Variants in TRIM48 observed in about 807,000 individuals in gnomAD.
The protein encoded by TRIM48 is tripartite motif containing 48.
Under a neutral mutation model 29.5 loss-of-function variants are expected in TRIM48, and 31 were observed. The observed-to-expected ratio is 1.05, with a 90% CI of 0.79 to 1.42. The LOEUF (loss-of-function observed/expected upper bound fraction) is 1.42, where lower values mean the gene tolerates loss of function less well. TRIM48 is among the 40% of genes most tolerant of loss of function. TRIM48 has a pLI of 0.00. For missense variants in TRIM48, 344 were observed against 265.0 expected (o/e 1.30, Z -2.07); for synonymous variants, 128 against 90.6 (o/e 1.41, Z -2.34).
At chr11:55,263,897 T>C (rs187115486) in intron 1 of TRIM48, among the ~76,000 whole-genome samples, 57 of 152,232 alleles carry the variant, frequency 3.7e-4, no homozygotes, top group Non-Finnish European at 7.8e-4. Flanking sequence ...AAAGAGGAAA[T>C]TGCCTTTCCT....
At chr11:55,265,942 C>T (rs751650668) in intron 3 of TRIM48, among the ~76,000 whole-genome samples, 1 of 147,664 alleles carries the variant, frequency 6.8e-6, no homozygotes, top group Non-Finnish European at 1.5e-5. Context: ...AAACCTGTAG[C>T]TATACACCAA....
intron 3 of TRIM48, chr11:55,267,569 G>A: frequency 6.4e-7 from 1 of 1,565,762 alleles, no homozygotes; most frequent in South Asian, 1.2e-5. Context: ...TCATAGGAGG[G>A]AGATTTTTAA....
Position 55,263,750 on chromosome 11 carries a change from A to T in TRIM48, c.45-1150A>T, listed in dbSNP as rs546435030. On this transcript the variant is annotated intron_variant, in intron 1 of 5. Coordinates refer to ENST00000417545, the MANE Select transcript of TRIM48 (RefSeq NM_024114.5). ...ACATGATTCTACACGAGGGGAATTC[A>T]TCAGGAAAATTCGTTTGCTTGATTA... 8.5e-5 allele frequency among the ~76,000 whole-genome samples: 13 copies of T among 152,328 alleles called. No homozygotes were observed. In the South Asian group the frequency reaches 2.3e-3, roughly 27 times the overall value.
rs1405770427 is a variant in TRIM48 at position 55,262,280 on chromosome 11, A to G, written c.13A>G (p.Ile5Val). The change falls in exon 1 of 6, where the codon ATC becomes GTC. Residue 5 changes from isoleucine to valine, a missense_variant. Coordinates refer to ENST00000417545, the MANE Select transcript of TRIM48 (RefSeq NM_024114.5). MSRRIIVGTLQRTQR... is the reference protein window; with the variant it reads MSRRVIVGTLQRTQR... ...ACTTAACAGAATTATGTCTCGAAGA[A>G]TCATTGTGGGAACCCTTCAAAGAAC... is the stretch of plus-strand genomic sequence containing the variant. 11 of 1,548,760 alleles carry G rather than the reference A, an allele frequency of 7.1e-6. No individual in the cohort carries two copies. In the East Asian group the frequency reaches 1.2e-4, roughly 17 times the overall value.
chr11:55,267,513 G>A lies in TRIM48; in HGVS notation c.556-837G>A, dbSNP rs1857411564. 1.9e-6 allele frequency: 3 copies of A among 1,579,072 alleles called. 1 individual carries two copies. The African/African-American group carries it at 4.1e-5, about 22-fold the overall frequency. On this transcript the variant is annotated intron_variant, in intron 3 of 5. Coordinates refer to ENST00000417545, the MANE Select transcript of TRIM48 (RefSeq NM_024114.5). ...AATTTGGAGATGCTGAAAAAGAAGG[G>A]AAAAGATATTTTTCATCAACTTCAT...
chr11:55,262,668 A>T (rs1193769349), intron 1 of TRIM48, among the ~76,000 whole-genome samples: 1 of 152,126 alleles, frequency 6.6e-6, no homozygotes, highest in Non-Finnish European at 1.5e-5. Context: ...ACATTAATGA[A>T]TGTTCATTCA....
rs1188827106 is a variant in TRIM48 at position 55,270,380 on chromosome 11, C to T, written c.*2-57C>T. 8 of 1,326,270 alleles carry T rather than the reference C, an allele frequency of 6.0e-6. 1 individual carries two copies. In the South Asian group the frequency reaches 7.8e-5, roughly 13 times the overall value. The allele number at this position is 1,326,270 out of a possible 1,614,324, so 82.2% of individuals were successfully genotyped here. A position where few individuals can be genotyped will look rare whatever the true frequency, so the allele number is the denominator to read the frequency against. On this transcript the variant is annotated intron_variant, in intron 5 of 5. Transcript: ENST00000417545. ...AACGATTTTTGCTTATTTACACATG[C>T]CTATGCATGTTTTCTTTCTTTCTTT...
chr11:55,263,407 C>A (rs1295106301), intron 1 of TRIM48, among the ~76,000 whole-genome samples: 1 of 151,948 alleles, frequency 6.6e-6, no homozygotes, highest in African/African-American at 2.4e-5. Context: ...AATCCCAGCA[C>A]TTTTGGAGGC....
At position 55,270,648 on chromosome 11, in the gene TRIM48, C is replaced by T; in HGVS notation, c.*213C>T. ...ACTCTTGGAATTGGGCTTTTGGTGT[C>T]TGTAATAAGTATTGGAAAGGGAAGA... is the stretch of plus-strand genomic sequence containing the variant. On this transcript the variant is annotated 3_prime_UTR_variant, in exon 6 of 6. Coordinates refer to ENST00000417545, the MANE Select transcript of TRIM48 (RefSeq NM_024114.5). 11 of 1,579,550 alleles carry T rather than the reference C, an allele frequency of 7.0e-6. 2 individuals carry two copies. The highest frequency in any genetic ancestry group is 9.5e-6 in the Non-Finnish European group (11 of 1,162,520).
At chr11:55,262,858 C>T (rs1162360541) in intron 1 of TRIM48, among the ~76,000 whole-genome samples, 1 of 152,084 alleles carries the variant, frequency 6.6e-6, no homozygotes, top group Non-Finnish European at 1.5e-5. Context: ...TGCCATCTCA[C>T]TTGAGTTTTA....
chr11:55,265,905 C>A (rs1288837791), intron 3 of TRIM48, among the ~76,000 whole-genome samples: 2 of 146,930 alleles, frequency 1.4e-5, no homozygotes, highest in Non-Finnish European at 3.0e-5. Context: ...TTGATGTTAC[C>A]CAAAGCATGC....
At position 55,268,332 on chromosome 11, in the gene TRIM48, TA is replaced by T. The variant is rs764166442; in HGVS notation, c.556-17del. 5.4e-5 allele frequency: 81 copies of T among 1,506,608 alleles called. No individual in the cohort carries two copies. The highest frequency in any genetic ancestry group is 6.4e-5 in the Non-Finnish European group (71 of 1,111,490). The allele number at this position is 1,506,608 out of a possible 1,614,324, so 93.3% of individuals were successfully genotyped here. A position where few individuals can be genotyped will look rare whatever the true frequency, so the allele number is the denominator to read the frequency against. On this transcript the variant is annotated splice_polypyrimidine_tract_variant and intron_variant, in intron 3 of 5. Transcript: ENST00000417545. ...TCTTGTGAACTGCACTAAATCTTTCTATTTTTTTTTTTTACAGGCTTTTGGA... is the reference window on the plus strand; with the variant it reads ...TCTTGTGAACTGCACTAAATCTTTCTTTTTTTTTTTTTACAGGCTTTTGGA...
In TRIM48 at chr11:55,270,525, A is replaced by G. The variant is rs1857467180; in HGVS notation, c.*90A>G. ...GCATTTGTATTGGATGTGACCGTCAAAATCCGCCCCATATCACTGCAACAC... is the reference window on the plus strand; with the variant it reads ...GCATTTGTATTGGATGTGACCGTCAGAATCCGCCCCATATCACTGCAACAC... On this transcript the variant is annotated 3_prime_UTR_variant, in exon 6 of 6. Transcript: ENST00000417545. 2 of 1,581,702 alleles carry G rather than the reference A, an allele frequency of 1.3e-6. 1 individual carries two copies. Among genetic ancestry groups the G allele is most frequent in the Admixed American group, 3.4e-5 (2 of 58,290 alleles).
chr11:55,267,935 A>C lies in TRIM48; in HGVS notation c.556-415A>C, dbSNP rs12272592. Among the ~76,000 whole-genome samples the C allele has an allele frequency of 2.7e-5, 4 of 148,044 alleles. 1 individual carries two copies. Among genetic ancestry groups the C allele is most frequent in the Admixed American group, 2.1e-4 (3 of 14,592 alleles). On this transcript the variant is annotated intron_variant, in intron 3 of 5. Coordinates refer to ENST00000417545, the MANE Select transcript of TRIM48 (RefSeq NM_024114.5). ...CATTTAGGGTTGTCAAACATGTATA[A>C]AATAGTGAGTGATTCATTTACATTT...
At position 55,265,767 on chromosome 11, in the gene TRIM48, T is replaced by G. The variant is rs35599317; in HGVS notation, c.555+72T>G. 4,944 of 1,434,362 alleles carry G rather than the reference T, an allele frequency of 3.4e-3. 281 individuals are homozygous for G. Among genetic ancestry groups the G allele is most frequent in the Admixed American group, 4.4e-3 (213 of 48,238 alleles). The allele number at this position is 1,434,362 out of a possible 1,614,324, so 88.9% of individuals were successfully genotyped here. ...AATGGGTGACTCTTAAAATAGGAAC[T>G]TGATATCAAACCGTAATGTTTCTGG... On this transcript the variant is annotated intron_variant, in intron 3 of 5. Transcript: ENST00000417545.
chr11:55,270,842 T>A lies in TRIM48; in HGVS notation c.*407T>A. ...GATTGTGAAGCTAGAACTGTGAGCT[T>A]CGTTGATGTTAGTCAAAGCTCCCCT... On this transcript the variant is annotated 3_prime_UTR_variant, in exon 6 of 6. Transcript: ENST00000417545. 1.3e-6 allele frequency: 2 copies of A among 1,571,732 alleles called. No individual in the cohort carries two copies. The highest frequency in any genetic ancestry group is 1.2e-5 in the South Asian group (1 of 83,370).
chr11:55,269,889 A>G lies in TRIM48; in HGVS notation c.*2-548A>G, dbSNP rs190738608. Among the ~76,000 whole-genome samples the G allele has an allele frequency of 2.6e-4, 38 of 148,230 alleles. 4 individuals are homozygous for G. Among genetic ancestry groups the G allele is most frequent in the African/African-American group, 4.2e-4 (17 of 40,608 alleles). Reference sequence around the variant, plus strand: ...GTTTAATTGCAATATGAAAAGCTACATGTTAAGTCTAAAATCCAGCTTCAG... The same window carrying G: ...GTTTAATTGCAATATGAAAAGCTACGTGTTAAGTCTAAAATCCAGCTTCAG... On this transcript the variant is annotated intron_variant, in intron 5 of 5. Transcript: ENST00000417545.
chr11:55,262,836 T>C (rs1374993836), intron 1 of TRIM48, among the ~76,000 whole-genome samples: 1 of 152,296 alleles, frequency 6.6e-6, no homozygotes, highest in East Asian at 1.9e-4. Context: ...TAATTTGATA[T>C]GTGATGGTGG....
chr11:55,263,975 G>T (rs1857346868), intron 1 of TRIM48, among the ~76,000 whole-genome samples: 1 of 151,942 alleles, frequency 6.6e-6, no homozygotes, highest in African/African-American at 2.4e-5. Context: ...AGGGATGATG[G>T]TCCCACTCAG....
Sources: allele counts gnomAD v4.1 joint callset (sites outside exome capture counted in the v4.1 genomes callset), GRCh38; gene constraint gnomAD v4.1.1; transcripts MANE v1.5; gene names NCBI Gene and HGNC (gene_info 2026-07-23, HGNC 2026-07-21).